Variants in KIF13A observed in about 807,000 individuals in gnomAD.
KIF13A encodes the protein kinesin family member 13A.
Under a neutral mutation model 212.2 loss-of-function variants are expected in KIF13A, and 79 were observed. The observed-to-expected ratio is 0.37, with a 90% confidence interval of 0.31 to 0.45. The LOEUF (loss-of-function observed/expected upper bound fraction) is 0.45, where lower values mean the gene tolerates loss of function less well. KIF13A is among the 20% of genes least tolerant of loss of function. The probability of loss-of-function intolerance (pLI) is 1.00; values close to 1 mark genes in which losing one functional copy is unlikely to be tolerated. For synonymous variants in KIF13A, 789 were observed against 808.6 expected (o/e 0.98, Z 0.41); for missense variants, 1,901 against 2,209.0 (o/e 0.86, Z 2.79).
chr6:17,807,439 C>T (rs1190491645), intron 18 of KIF13A, among the ~76,000 whole-genome samples: 1 of 152,106 alleles, frequency 6.6e-6, no homozygotes, highest in African/African-American at 2.4e-5. Flanking sequence ...TGGTCTCCTG[C>T]AGTACCCTCA....
Position 17,777,408 on chromosome 6 carries a change from G to C in KIF13A, c.4093-54C>G. Reference sequence around the variant, plus strand: ...CTTTTTTTTTTTTTCCCCAGAGACAGAGTCTCACTCTGTTGCCCAGGCTGG... The same window carrying C: ...CTTTTTTTTTTTTTCCCCAGAGACACAGTCTCACTCTGTTGCCCAGGCTGG... On this transcript the variant is annotated intron_variant, in intron 33 of 38. Transcript: ENST00000259711. This position sits in a 1 kb window ranked among gnomAD's most constrained non-coding sequence, Gnocchi z 4.4. 1 of 1,399,332 alleles carries C rather than the reference G, an allele frequency of 7.1e-7. No individual in the cohort carries two copies. The highest frequency in any genetic ancestry group is 9.9e-7 in the Non-Finnish European group (1 of 1,008,888). The allele number at this position is 1,399,332 out of a possible 1,614,324, so 86.7% of individuals were successfully genotyped here.
intron 3 of KIF13A, among the ~76,000 whole-genome samples, chr6:17,890,440 G>A (rs545914366): frequency 4.5e-4 from 69 of 152,140 alleles, no homozygotes; most frequent in Non-Finnish European, 6.3e-4. Flanking sequence ...TGCAGAAACT[G>A]GGCTTCTGCA....
Position 17,809,250 on chromosome 6 carries a change from G to C in KIF13A, c.2001-320C>G, listed in dbSNP as rs146477194. Among the ~76,000 whole-genome samples the C allele has an allele frequency of 6.6e-6, 1 of 152,198 alleles. No homozygotes were observed. The highest frequency in any genetic ancestry group is 2.4e-5 in the African/African-American group (1 of 41,458). On this transcript the variant is annotated intron_variant, in intron 17 of 38. Coordinates refer to ENST00000259711, the MANE Select transcript of KIF13A (RefSeq NM_022113.6). The surrounding 1 kb of genome is among the most constrained non-coding windows in gnomAD (Gnocchi z 4.7). ...TTTGGGAAAAACAAACGATGATTAC[G>C]ACTTGTGTGTGCTGAGGGAGGGTGG...
intron 2 of KIF13A, among the ~76,000 whole-genome samples, chr6:17,970,068 G>A (rs1014720377): frequency 1.4e-4 from 22 of 151,732 alleles, no homozygotes; most frequent in African/African-American, 4.4e-4. Flanking sequence ...GATTACAGGC[G>A]CCCGCCACCA....
chr6:17,859,620 T>TTTTATATATATATATATATA (rs1485260645), intron 4 of KIF13A, among the ~76,000 whole-genome samples: 10 of 131,548 alleles, frequency 7.6e-5, no homozygotes, highest in Admixed American at 1.5e-4. Flanking sequence ...GCAATGTATT[T>TTTTATATATATATATATATA]TATATATATA....
chr6:17,779,257 ATTTTTTTTTTTT>A (rs3076205), intron 32 of KIF13A, among the ~76,000 whole-genome samples, 158 bp from the exon 33 acceptor site: 3 of 37,848 alleles, frequency 7.9e-5, no homozygotes, highest in African/African-American at 2.3e-4. Context: ...ATATATATAT[ATTTTTTTTTTTT>A]TTTTTTTTTT....
chr6:17,898,255 A>C lies in KIF13A; in HGVS notation c.147-75T>G. On this transcript the variant is annotated intron_variant, in intron 2 of 38. Coordinates refer to ENST00000259711, the MANE Select transcript of KIF13A (RefSeq NM_022113.6). This position sits in a 1 kb window ranked among gnomAD's most constrained non-coding sequence, Gnocchi z 5.2. ...CAACACAGCAGCCACATCAGAGGGA[A>C]ACAATGAAAGAGAAAAAAATAAGGT... 1 of 1,414,726 alleles carries C rather than the reference A, an allele frequency of 7.1e-7. No homozygotes were observed. Among genetic ancestry groups the C allele is most frequent in the South Asian group, 1.2e-5 (1 of 82,852 alleles). 87.6% of individuals were successfully genotyped at this position (1,414,726 alleles called of 1,614,324 possible). A position where few individuals can be genotyped will look rare whatever the true frequency, so the allele number is the denominator to read the frequency against.
intron 29 of KIF13A, among the ~76,000 whole-genome samples, chr6:17,782,465 G>A (rs1196544019): frequency 6.6e-6 from 1 of 151,714 alleles, no homozygotes. Context: ...GTGAAACCCC[G>A]TCTCTATTAA....
rs1581817824 is a variant in KIF13A, at chr6:17,947,892, G to A, written c.146+39162C>T. Among the ~76,000 whole-genome samples, 1 of 151,930 alleles carries A rather than the reference G, an allele frequency of 6.6e-6. No homozygotes were observed. Among genetic ancestry groups the A allele is most frequent in the African/African-American group, 2.4e-5 (1 of 41,380 alleles). ...ATTAAGGGCTAAAGGGCTGTATGAT[G>A]TATTTCACCTACTCTCAAAGAGTTC... On this transcript the variant is annotated intron_variant, in intron 2 of 38. Transcript: ENST00000259711. This position sits in a 1 kb window ranked among gnomAD's most constrained non-coding sequence, Gnocchi z 4.6.
intron 20 of KIF13A, among the ~76,000 whole-genome samples, chr6:17,800,985 G>A (rs149596964): frequency 0.016 from 2,374 of 151,994 alleles, 33 homozygotes; most frequent in Middle Eastern, 0.031. Context: ...GCCTGCCTCG[G>A]CCTCCCAAAG....
chr6:17,876,182 T>C (rs925620953), intron 3 of KIF13A, among the ~76,000 whole-genome samples: 1 of 152,282 alleles, frequency 6.6e-6, no homozygotes, highest in Admixed American at 6.5e-5. Flanking sequence ...CCTTTATCTC[T>C]TGCAGTCCAA....
At chr6:17,949,259 T>C (rs943808214) in intron 2 of KIF13A, among the ~76,000 whole-genome samples, 4 of 152,196 alleles carry the variant, frequency 2.6e-5, no homozygotes, top group South Asian at 2.1e-4. Context: ...GAGTGTACCA[T>C]AGCTCAATGA....
At position 17,987,270 on chromosome 6, in the gene KIF13A, C is replaced by G. The variant is rs1781658716; in HGVS notation, c.56-126G>C. 1 of 850,040 alleles carries G rather than the reference C, an allele frequency of 1.2e-6. No individual in the cohort carries two copies. The highest frequency in any genetic ancestry group is 1.8e-5 in the African/African-American group (1 of 54,638). The allele number at this position is 850,040 out of a possible 1,614,324, so 52.7% of individuals were successfully genotyped here. ...CCGAGCCTGGAGACGGCGCCCCGGG[C>G]ACCACGGCCAGCGCGGACGCCGCCT... On this transcript the variant is annotated intron_variant, in intron 1 of 38. Coordinates refer to ENST00000259711, the MANE Select transcript of KIF13A (RefSeq NM_022113.6). The surrounding 1 kb of genome is among the most constrained non-coding windows in gnomAD (Gnocchi z 7.7).
chr6:17,959,970 C>A (rs1264704164), intron 2 of KIF13A, among the ~76,000 whole-genome samples: 2 of 151,166 alleles, frequency 1.3e-5, no homozygotes, highest in African/African-American at 4.9e-5. Context: ...TGTGGTGAGC[C>A]GAGATCGCGC....
At position 17,926,126 on chromosome 6, in the gene KIF13A, T is replaced by C. The variant is rs1775478516; in HGVS notation, c.147-27946A>G. 6.6e-6 allele frequency among the ~76,000 whole-genome samples: 1 copy of C among 152,226 alleles called. No homozygotes were observed. The highest frequency in any genetic ancestry group is 2.4e-5 in the African/African-American group (1 of 41,444). Reference sequence around the variant, plus strand: ...GTAGTCATCATGTCCACGGTCCTACTAATTCTGAAAAGAAATGCATTGCTT... The same window carrying C: ...GTAGTCATCATGTCCACGGTCCTACCAATTCTGAAAAGAAATGCATTGCTT... On this transcript the variant is annotated intron_variant, in intron 2 of 38. Coordinates refer to ENST00000259711, the MANE Select transcript of KIF13A (RefSeq NM_022113.6). This position sits in a 1 kb window ranked among gnomAD's most constrained non-coding sequence, Gnocchi z 4.3.
chr6:17,859,604 C>T (rs1161561146), intron 4 of KIF13A, among the ~76,000 whole-genome samples: 1 of 145,770 alleles, frequency 6.9e-6, no homozygotes, highest in Non-Finnish European at 1.5e-5. Context: ...ATCAACTGTC[C>T]TGCTGGCAAT....
At chr6:17,808,542 C>T (rs1283467184) in intron 18 of KIF13A, among the ~76,000 whole-genome samples, 2 of 152,076 alleles carry the variant, frequency 1.3e-5, no homozygotes, top group Non-Finnish European at 2.9e-5. Context: ...TTAGGAAGTC[C>T]TTCAGCCACT....
chr6:17,771,283 A>T lies in KIF13A; in HGVS notation c.4477-65T>A. 1.0e-6 allele frequency: 1 copy of T among 975,766 alleles called. No individual in the cohort carries two copies. The highest frequency in any genetic ancestry group is 1.6e-6 in the Non-Finnish European group (1 of 623,852). The allele number at this position is 975,766 out of a possible 1,614,324, so 60.4% of individuals were successfully genotyped here. ...ACGACAACGGCCAAAATACATATTA[A>T]GTACATGCAAGTTAGAAAAGCAATG... On this transcript the variant is annotated intron_variant, in intron 37 of 38. Transcript: ENST00000259711. This position sits in a 1 kb window ranked among gnomAD's most constrained non-coding sequence, Gnocchi z 5.4.
intron 2 of KIF13A, among the ~76,000 whole-genome samples, chr6:17,976,422 T>TA (rs1214670349): frequency 6.6e-6 from 1 of 152,206 alleles, no homozygotes; most frequent in Non-Finnish European, 1.5e-5. Flanking sequence ...CCGCAGCCGC[T>TA]GGCCCGGGTG....
Sources: allele counts gnomAD v4.1 joint callset (sites outside exome capture counted in the v4.1 genomes callset), GRCh38; gene constraint gnomAD v4.1.1; non-coding constraint Gnocchi (gnomAD v3.1); transcripts MANE v1.5; gene names NCBI Gene and HGNC (gene_info 2026-07-23, HGNC 2026-07-21).